Variants in MON1B observed in about 807,000 individuals in gnomAD.
The protein encoded by MON1B is vacuolar fusion protein MON1 homolog B.
A neutral mutation model predicts 45.1 loss-of-function variants in MON1B; 26 were observed. That is an observed-to-expected ratio of 0.58 (90% confidence interval 0.42 to 0.80). The LOEUF (loss-of-function observed/expected upper bound fraction) is 0.80. Among genes scored for constraint, MON1B ranks in the 30% least tolerant of loss-of-function variants. The pLI, the probability that MON1B is intolerant of heterozygous loss-of-function variation, is 0.00. For missense variants in MON1B, 737 were observed against 754.5 expected (o/e 0.98, Z 0.27); for synonymous variants, 395 against 320.2 (o/e 1.23, Z -2.49).
In MON1B at chr16:77,191,231, G is replaced by T. The variant is rs1168826159; in HGVS notation, c.-38G>T. 2 of 1,536,744 alleles carry T rather than the reference G, an allele frequency of 1.3e-6. No individual in the cohort carries two copies. The highest frequency in any genetic ancestry group is 2.0e-5 in the Admixed American group (1 of 51,010). The stretch of plus-strand genomic sequence containing the variant: ...CCGCTACGGGGAAGTAATGGTATCC[G>T]GCCAATTGAGATTCGGAGTTAAAAC... On this transcript the variant is annotated 5_prime_UTR_variant, in exon 1 of 6. Transcript: ENST00000248248.
At chr16:77,191,821 C>G (rs11149970) in intron 2 of MON1B, among the ~76,000 whole-genome samples, 188 bp downstream of exon 2, 105,792 of 151,996 alleles carry the variant, frequency 0.7, 37,932 homozygotes, top group African/African-American at 0.86. Flanking sequence ...AAGTCATTGG[C>G]TGTCAACGGA....
In MON1B at chr16:77,199,208, C is replaced by A; in HGVS notation, c.*900C>A. 3 of 520,084 alleles carry A rather than the reference C, an allele frequency of 5.8e-6. No individual in the cohort carries two copies. The highest frequency in any genetic ancestry group is 1.0e-5 in the Non-Finnish European group (3 of 291,632). 32.2% of individuals were successfully genotyped at this position (520,084 alleles called of 1,614,324 possible). On this transcript the variant is annotated 3_prime_UTR_variant, in exon 6 of 6. Transcript: ENST00000248248. ...TTTGTGTGTGTGCACACTACCCTCA[C>A]TCCCCAACTGGCCATTACCCTAGTT... is the stretch of plus-strand genomic sequence containing the variant.
chr16:77,193,576 A>T lies in MON1B; in HGVS notation c.274A>T (p.Ser92Cys). 6.2e-7 allele frequency: 1 copy of T among 1,614,034 alleles called. No individual in the cohort carries two copies. Among genetic ancestry groups the T allele is most frequent in the Non-Finnish European group, 8.5e-7 (1 of 1,179,934 alleles). Reference protein sequence around the residue: ...ENSPTCSPESSSGGQGGDPSD... With the variant: ...ENSPTCSPESCSGGQGGDPSD... ...TAGTCCCACATGTAGCCCTGAGAGT[A>T]GCTCTGGAGGCCAGGGCGGGGACCC... is the stretch of plus-strand genomic sequence containing the variant. Residue 92 changes from serine (S) to cysteine (C), a missense_variant, in exon 3 of 6, where the codon AGC (serine) becomes TGC (cysteine). By Grantham distance (112) the Ser-to-Cys change is moderately radical. Coordinates refer to ENST00000248248, the MANE Select transcript of MON1B (RefSeq NM_014940.4). This position sits in a 1 kb window ranked among gnomAD's most constrained non-coding sequence, Gnocchi z 5.0.
Position 77,202,212 on chromosome 16 carries a change from C to A in MON1B, c.*3904C>A, listed in dbSNP as rs918951582. ...TTGTACTATGGTTACCTGGTAGATT[C>A]CCTTTGTATATAGGAAATAGACACT... On this transcript the variant is annotated 3_prime_UTR_variant, in exon 6 of 6. Transcript: ENST00000248248. The A allele has an allele frequency of 6.6e-6, 1 of 152,066 alleles. No individual in the cohort carries two copies. The highest frequency in any genetic ancestry group is 1.5e-5 in the Non-Finnish European group (1 of 68,006). 9.4% of individuals were successfully genotyped at this position (152,066 alleles called of 1,614,324 possible).
intron 5 of MON1B, among the ~76,000 whole-genome samples, chr16:77,196,658 C>T (rs2054668269): frequency 6.6e-6 from 1 of 152,164 alleles, no homozygotes. Flanking sequence ...CACCTGTAGT[C>T]CCAGCTATTC....
At chr16:77,191,359 C>A in intron 1 of MON1B, 101 bp downstream of exon 1, 1 of 1,571,008 alleles carries the variant, frequency 6.4e-7, no homozygotes, top group Admixed American at 1.8e-5. Flanking sequence ...ATGTCTCGTC[C>A]TATTGAAATC....
intron 2 of MON1B, 74 bp downstream of exon 2, chr16:77,191,707 G>T: frequency 6.6e-7 from 1 of 1,506,222 alleles, no homozygotes. Flanking sequence ...AAGGGTCAGT[G>T]GGTGACCAGT....
At position 77,195,639 on chromosome 16, in the gene MON1B, G is replaced by A. The variant is rs572676092; in HGVS notation, c.1400G>A (p.Arg467His). Reference protein sequence around the residue: ...ARLHSTSRPLRLIYHVAEKET... With the variant: ...ARLHSTSRPLHLIYHVAEKET... ...CTCCACAGCACCTCCCGACCCCTGC[G>A]CCTCATTTACCACGTGGCTGAGAAG... The change falls in exon 5 of 6, where the codon CGC becomes CAC. Residue 467 changes from arginine (R) to histidine (H), a missense_variant. Transcript: ENST00000248248. The A allele has an allele frequency of 6.2e-6, 10 of 1,614,094 alleles. No homozygotes were observed. The highest frequency in any genetic ancestry group is 5.0e-5 in the Admixed American group (3 of 60,014).
In MON1B at chr16:77,195,515, ACCTC is replaced by A. The variant is rs754576869; in HGVS notation, c.1296-14_1296-11del. The A allele has an allele frequency of 5.6e-6, 9 of 1,604,500 alleles. No homozygotes were observed. The Admixed American group carries it at 1.4e-4, about 24-fold the overall frequency. On this transcript the variant is annotated splice_polypyrimidine_tract_variant and intron_variant, in intron 4 of 5. Coordinates refer to ENST00000248248, the MANE Select transcript of MON1B (RefSeq NM_014940.4). ...AGGCCCTGGACTAACCTTGTCCTCC[ACCTC>A]CCTCCATCATGGCAGCCCTGAGCTA...
chr16:77,198,050 C>G, intron 5 of MON1B, 58 bp from the exon 6 acceptor site: 1 of 1,541,230 alleles, frequency 6.5e-7, no homozygotes, highest in South Asian at 1.1e-5. Flanking sequence ...CTGGGGTAGG[C>G]AGGATTGTCC....
At chr16:77,197,963 C>T in intron 5 of MON1B, 145 bp from the exon 6 acceptor site, 1 of 781,630 alleles carries the variant, frequency 1.3e-6, no homozygotes, top group Non-Finnish European at 2.1e-6. Context: ...TACCTTAGCC[C>T]AGTATCTAGG....
chr16:77,191,803 C>A (rs866161755), intron 2 of MON1B, among the ~76,000 whole-genome samples, 170 bp downstream of exon 2: 5 of 152,076 alleles, frequency 3.3e-5, no homozygotes, highest in African/African-American at 1.2e-4. Flanking sequence ...TAGTTTACAT[C>A]ATTGAGGAAG....
In MON1B at chr16:77,191,986, T is replaced by C. The variant is rs185651150; in HGVS notation, c.148+353T>C. 3.7e-3 allele frequency among the ~76,000 whole-genome samples: 563 copies of C among 151,980 alleles called. 11 individuals are homozygous for C. The highest frequency in any genetic ancestry group is 0.013 in the African/African-American group (548 of 41,524). On this transcript the variant is annotated intron_variant, in intron 2 of 5. Coordinates refer to ENST00000248248, the MANE Select transcript of MON1B (RefSeq NM_014940.4). ...CAACAGAGGAGGACTGTTGAGAAGT[T>C]AGTGTTTTTGAGGAGTAGGGTGTTA...
intron 2 of MON1B, 101 bp downstream of exon 2, chr16:77,191,734 TA>T (rs1303311670): frequency 7.3e-6 from 10 of 1,373,734 alleles, no homozygotes; most frequent in African/African-American, 1.5e-5. Flanking sequence ...TCTTGGGACT[TA>T]AGAGAAGTGG....
At position 77,194,706 on chromosome 16, in the gene MON1B, C is replaced by T. The variant is rs1215457066; in HGVS notation, c.847C>T (p.Arg283Ter). The change falls in exon 4 of 6, where the codon CGA (arginine) becomes TGA (stop). Residue 283 changes from arginine (R) to a stop codon, truncating the protein, a stop_gained. Coordinates refer to ENST00000248248, the MANE Select transcript of MON1B (RefSeq NM_014940.4). LOFTEE classifies it high-confidence loss of function. The surrounding 1 kb of genome is among the most constrained non-coding windows in gnomAD (Gnocchi z 8.1). ...GCTGTCAGTGCTGGCAGTAGGCGGT[C>T]GACTTATAACAGCAGCCCAGGAGCG... ...LALSVLAVGG[R>*]LITAAQERNV... 2.5e-6 allele frequency: 4 copies of T among 1,613,818 alleles called. No individual in the cohort carries two copies. Among genetic ancestry groups the T allele is most frequent in the Non-Finnish European group, 3.4e-6 (4 of 1,179,830 alleles).
Position 77,193,847 on chromosome 16 carries a change from C to G in MON1B, c.475+70C>G. 6.8e-7 allele frequency: 1 copy of G among 1,475,272 alleles called. No individual in the cohort carries two copies. The highest frequency in any genetic ancestry group is 9.2e-7 in the Non-Finnish European group (1 of 1,092,386). The allele number at this position is 1,475,272 out of a possible 1,614,324, so 91.4% of individuals were successfully genotyped here. ...ATATGGCTGGCACGGGTAGGTCTGTCTGCCTCAGGCACTATCCAGCCAGCC... is the reference window on the plus strand; with the variant it reads ...ATATGGCTGGCACGGGTAGGTCTGTGTGCCTCAGGCACTATCCAGCCAGCC... On this transcript the variant is annotated intron_variant, in intron 3 of 5. Coordinates refer to ENST00000248248, the MANE Select transcript of MON1B (RefSeq NM_014940.4). The surrounding 1 kb of genome is among the most constrained non-coding windows in gnomAD (Gnocchi z 5.0).
At position 77,198,547 on chromosome 16, in the gene MON1B, C is replaced by A; in HGVS notation, c.*239C>A. ...TGGGGAAATCCTTAGGCCTCCCTCT[C>A]CCTTCCCTCTGTCTCATCTCCTCCA... On this transcript the variant is annotated 3_prime_UTR_variant, in exon 6 of 6. Transcript: ENST00000248248. The A allele has an allele frequency of 1.8e-6, 1 of 560,382 alleles. No individual in the cohort carries two copies. Among genetic ancestry groups the A allele is most frequent in the Non-Finnish European group, 3.2e-6 (1 of 312,254 alleles). 34.7% of individuals were successfully genotyped at this position (560,382 alleles called of 1,614,324 possible).
Position 77,194,481 on chromosome 16 carries a change from C to T in MON1B, c.622C>T (p.Arg208Cys), listed in dbSNP as rs1484571506. 5 of 1,614,070 alleles carry T rather than the reference C, an allele frequency of 3.1e-6. No individual in the cohort carries two copies. Among genetic ancestry groups the T allele is most frequent in the South Asian group, 1.1e-5 (1 of 91,080 alleles). Residue 208 changes from arginine (R) to cysteine (C), a missense_variant, in exon 4 of 6, where the codon CGC (arginine) becomes TGC (cysteine). Physicochemically the swap from Arg to Cys is radical, Grantham distance 180. Coordinates refer to ENST00000248248, the MANE Select transcript of MON1B (RefSeq NM_014940.4). This position sits in a 1 kb window ranked among gnomAD's most constrained non-coding sequence, Gnocchi z 8.1. Reference sequence around the variant, plus strand: ...CACACTTACACGTGCAAGTGTCGCCCGCATCTTCGCACACAAGCAGAACTA... The same window carrying T: ...CACACTTACACGTGCAAGTGTCGCCTGCATCTTCGCACACAAGCAGAACTA... Reference protein sequence around the residue: ...VSTLTRASVARIFAHKQNYDL... With the variant: ...VSTLTRASVACIFAHKQNYDL...
Position 77,201,615 on chromosome 16 carries a change from G to A in MON1B, c.*3307G>A, listed in dbSNP as rs1488261347. 6.6e-6 allele frequency: 1 copy of A among 152,108 alleles called. No homozygotes were observed. The highest frequency in any genetic ancestry group is 1.5e-5 in the Non-Finnish European group (1 of 68,030). 9.4% of individuals were successfully genotyped at this position (152,108 alleles called of 1,614,324 possible). A position where few individuals can be genotyped will look rare whatever the true frequency, so the allele number is the denominator to read the frequency against. On this transcript the variant is annotated 3_prime_UTR_variant, in exon 6 of 6. Transcript: ENST00000248248. Reference sequence around the variant, plus strand: ...GCAGTGACCATGCGATGTAATCAAAGGAGAATACGTAAGTGTATGGACCAG... The same window carrying A: ...GCAGTGACCATGCGATGTAATCAAAAGAGAATACGTAAGTGTATGGACCAG...
Sources: gnomAD v4.1 joint callset for allele counts (sites outside exome capture counted in the v4.1 genomes callset) on GRCh38, gnomAD v4.1.1 for gene constraint, Gnocchi (gnomAD v3.1) non-coding constraint, MANE v1.5 for transcripts, NCBI Gene and HGNC (gene_info 2026-07-23, HGNC 2026-07-21) for gene names.